The following ASAP1 variants were observed in gnomAD, a reference collection of about 807,000 sequenced individuals.
ASAP1 encodes arf-GAP with SH3 domain, ANK repeat and PH domain-containing protein 1.
A neutral mutation model predicts 145.2 loss-of-function variants in ASAP1; 43 were observed. The ratio of observed to expected loss-of-function variants is 0.30; its 90% confidence interval spans 0.23 to 0.38. ASAP1 has a LOEUF of 0.38. Among genes scored for constraint, ASAP1 ranks in the 10% least tolerant of loss-of-function variants. The pLI, the probability that ASAP1 is intolerant of heterozygous loss-of-function variation, is 1.00. For synonymous variants in ASAP1, 546 were observed against 515.5 expected, an observed-to-expected ratio of 1.06 and a Z score of -0.80; for missense variants, 1,018 against 1,355.3, an observed-to-expected ratio of 0.75 and a Z score of 3.91.
intron 1 of ASAP1, among the ~76,000 whole-genome samples, chr8:130,413,165 G>A (rs756713887): frequency 2.0e-4 from 30 of 152,200 alleles, no homozygotes; most frequent in Non-Finnish European, 4.4e-5. Flanking sequence ...TGATTACAAA[G>A]ACTTATCTTT....
chr8:130,080,470 TTCTC>T (rs757219224), intron 25 of ASAP1, among the ~76,000 whole-genome samples: 10 of 108,130 alleles, frequency 9.2e-5, no homozygotes, highest in South Asian at 6.4e-4. Context: ...TCGTCATTCA[TTCTC>T]TCTCTTTTTT....
intron 12 of ASAP1, among the ~76,000 whole-genome samples, chr8:130,156,152 T>C (rs577050777): frequency 6.6e-5 from 10 of 152,368 alleles, no homozygotes; most frequent in African/African-American, 2.4e-4. Context: ...ATCCTTTAAG[T>C]AATAAAGAGC....
intron 24 of ASAP1, among the ~76,000 whole-genome samples, chr8:130,096,738 T>C (rs1235363370): frequency 6.6e-6 from 1 of 152,084 alleles, no homozygotes; most frequent in Non-Finnish European, 1.5e-5. Flanking sequence ...GAGAAAGCAT[T>C]CCCTGCCCTT....
intron 9 of ASAP1, among the ~76,000 whole-genome samples, chr8:130,175,107 T>C (rs1565051543): frequency 6.6e-6 from 1 of 152,246 alleles, no homozygotes; most frequent in Non-Finnish European, 1.5e-5. Flanking sequence ...TTTTTTGTTT[T>C]AATTACAACA....
chr8:130,060,579 C>G lies in ASAP1; in HGVS notation c.3192G>C (p.Thr1064=). The G allele has an allele frequency of 6.2e-7, 1 of 1,605,938 alleles. No individual in the cohort carries two copies. The highest frequency in any genetic ancestry group is 8.5e-7 in the Non-Finnish European group (1 of 1,175,754). The change falls in exon 28 of 30, where the codon ACG becomes ACC. Residue 1064 remains threonine, a splice_region_variant and synonymous_variant. Transcript: ENST00000518721. ...TPVPLPRKIN[T]GKNKVRRVKT... ...AGGGCCTGAACATTGTCCCACCCAC[C>G]GTATTGATTTTTCTGGGCAGTGGTA...
intron 2 of ASAP1, among the ~76,000 whole-genome samples, chr8:130,394,657 G>A (rs1488042049): frequency 3.9e-5 from 6 of 152,136 alleles, no homozygotes; most frequent in Admixed American, 3.9e-4. Context: ...TTTGCGGCTT[G>A]TGGGGCATCA....
intron 2 of ASAP1, among the ~76,000 whole-genome samples, chr8:130,390,389 A>G (rs1245032122): frequency 6.6e-6 from 1 of 152,238 alleles, no homozygotes. Flanking sequence ...TAGGAATCTC[A>G]GACTGCCTGA....
chr8:130,082,909 G>C (rs1285844773), intron 25 of ASAP1: 1 of 151,980 alleles, frequency 6.6e-6, no homozygotes. Flanking sequence ...TTCAGGGCTA[G>C]ATATCAAATC....
At chr8:130,281,804 C>T (rs543366554) in intron 3 of ASAP1, among the ~76,000 whole-genome samples, 2 of 152,264 alleles carry the variant, frequency 1.3e-5, no homozygotes, top group South Asian at 2.1e-4. Context: ...CGGTGGCTCA[C>T]GCCTGTAATC....
At chr8:130,255,377 T>C (rs1223263544) in intron 3 of ASAP1, among the ~76,000 whole-genome samples, 1 of 152,214 alleles carries the variant, frequency 6.6e-6, no homozygotes, top group Non-Finnish European at 1.5e-5. Context: ...GTACATTTTC[T>C]CTATGTACCT....
rs528717723 is a variant in ASAP1 at position 130,257,708 on chromosome 8, T to C, written c.187-20714A>G. Among the ~76,000 whole-genome samples, 6 of 152,112 alleles carry C rather than the reference T, an allele frequency of 3.9e-5. No homozygotes were observed. In the South Asian group the frequency reaches 1.2e-3, roughly 31 times the overall value. On this transcript the variant is annotated intron_variant, in intron 3 of 29. Coordinates refer to ENST00000518721, the MANE Select transcript of ASAP1 (RefSeq NM_018482.4). ...GAAAATTCAAAAAGCATTAATATAC[T>C]AAAATTCATTACATTTCTGTTTTTT...
intron 24 of ASAP1, among the ~76,000 whole-genome samples, chr8:130,104,991 C>A (rs531985231): frequency 6.6e-6 from 1 of 152,212 alleles, no homozygotes; most frequent in South Asian, 2.1e-4. Flanking sequence ...TTATATCTAT[C>A]CAACTTGGGA....
At chr8:130,092,792 C>T (rs1185494893) in intron 24 of ASAP1, among the ~76,000 whole-genome samples, 3 of 151,990 alleles carry the variant, frequency 2.0e-5, no homozygotes, top group Admixed American at 2.0e-4. Context: ...AATCACACAC[C>T]ACTACCAGCA....
intron 1 of ASAP1, among the ~76,000 whole-genome samples, chr8:130,438,151 CGTCT>C (rs1830381026): frequency 6.6e-6 from 1 of 152,134 alleles, no homozygotes; most frequent in Non-Finnish European, 1.5e-5. Flanking sequence ...CTCAAGAAAC[CGTCT>C]GTTTCTGGGG....
intron 2 of ASAP1, among the ~76,000 whole-genome samples, chr8:130,397,949 C>T (rs1253450103): frequency 1.2e-4 from 18 of 152,200 alleles, no homozygotes; most frequent in Admixed American, 1.2e-3. Context: ...GGCATCCTAG[C>T]CAGGTTACTG....
chr8:130,101,343 T>C (rs374081574), intron 24 of ASAP1, among the ~76,000 whole-genome samples: 41 of 152,340 alleles, frequency 2.7e-4, no homozygotes, highest in South Asian at 4.1e-4. Context: ...TTGAAAGAGA[T>C]TGCATCGAAT....
intron 1 of ASAP1, among the ~76,000 whole-genome samples, chr8:130,413,010 C>T (rs1425180672): frequency 6.6e-6 from 1 of 152,208 alleles, no homozygotes; most frequent in African/African-American, 2.4e-5. Flanking sequence ...ACACTAACTA[C>T]ACAAGCAATA....
At chr8:130,242,534 T>C (rs1302692813) in intron 3 of ASAP1, among the ~76,000 whole-genome samples, 1 of 152,056 alleles carries the variant, frequency 6.6e-6, no homozygotes. Flanking sequence ...CATGCTACCT[T>C]GATGGGAGGA....
At position 130,115,702 on chromosome 8, in the gene ASAP1, G is replaced by A. The variant is rs2097554645; in HGVS notation, c.2098C>T (p.His700Tyr). The change falls in exon 23 of 30, where the codon CAC (histidine) becomes TAC (tyrosine). Residue 700 changes from histidine (H) to tyrosine (Y), a missense_variant. Transcript: ENST00000518721. Reference sequence around the variant, plus strand: ...TTCCACTCATATTCTACGTGGACGTGTGGATTGAACTTTCCAGATTTAGCC... The same window carrying A: ...TTCCACTCATATTCTACGTGGACGTATGGATTGAACTTTCCAGATTTAGCC... Reference protein sequence around the residue: ...SQAKSGKFNPHVHVEYEWNLR... With the variant: ...SQAKSGKFNPYVHVEYEWNLR... 1 of 1,614,150 alleles carries A rather than the reference G, an allele frequency of 6.2e-7. No individual in the cohort carries two copies. Among genetic ancestry groups the A allele is most frequent in the East Asian group, 2.2e-5 (1 of 44,888 alleles).
Sources: allele counts gnomAD v4.1 joint callset (sites outside exome capture counted in the v4.1 genomes callset), GRCh38; gene constraint gnomAD v4.1.1; transcripts MANE v1.5; gene names NCBI Gene and HGNC (gene_info 2026-07-23, HGNC 2026-07-21).